Variants in CADPS observed in about 807,000 individuals in gnomAD.
CADPS encodes the protein calcium-dependent secretion activator 1.
A neutral mutation model predicts 167.3 loss-of-function variants in CADPS; 57 were observed. The observed-to-expected ratio is 0.34, with a 90% CI of 0.28 to 0.42. CADPS has a LOEUF of 0.42. Among genes scored for constraint, CADPS ranks in the 20% least tolerant of loss-of-function variants. CADPS has a pLI of 1.00. For missense variants in CADPS, 1,414 were observed against 1,738.1 expected (o/e 0.81, Z 3.32); for synonymous variants, 676 against 635.3 (o/e 1.06, Z -0.96).
chr3:62,531,191 C>G (rs1213248942), intron 13 of CADPS, among the ~76,000 whole-genome samples: 1 of 149,814 alleles, frequency 6.7e-6, no homozygotes, highest in African/African-American at 2.5e-5. Context: ...ATGTAGAATA[C>G]AGTGTGACAA....
chr3:62,761,524 T>C (rs1046191835), intron 2 of CADPS, among the ~76,000 whole-genome samples: 1 of 152,072 alleles, frequency 6.6e-6, no homozygotes, highest in Non-Finnish European at 1.5e-5. Context: ...CTGCCACATA[T>C]GACACTCCCA....
Position 62,492,279 on chromosome 3 carries a change from G to A in CADPS, c.2884+11C>T. 2 of 1,612,714 alleles carry A rather than the reference G, an allele frequency of 1.2e-6. No individual in the cohort carries two copies. The highest frequency in any genetic ancestry group is 1.1e-5 in the South Asian group (1 of 90,986). ...ACTTAGGAAAGTCAAACAGTCAAAG[G>A]TAATACATACAGTCAGTACGGAGAA... On this transcript the variant is annotated intron_variant, in intron 20 of 29. Transcript: ENST00000383710.
chr3:62,715,820 G>A (rs945757858), intron 3 of CADPS, among the ~76,000 whole-genome samples: 2 of 130,062 alleles, frequency 1.5e-5, no homozygotes, highest in Non-Finnish European at 3.2e-5. Context: ...GCAGTGGCGC[G>A]ATCTCAGCTC....
At chr3:62,763,437 C>T (rs528929524) in intron 2 of CADPS, among the ~76,000 whole-genome samples, 1 of 152,328 alleles carries the variant, frequency 6.6e-6, no homozygotes, top group Non-Finnish European at 1.5e-5. Context: ...CTGGATCCAG[C>T]CATGGCTGAA....
At chr3:62,481,623 T>G (rs974648576) in intron 22 of CADPS, 100 bp downstream of exon 22, 6 of 1,077,760 alleles carry the variant, frequency 5.6e-6, no homozygotes, top group Admixed American at 2.9e-5. Flanking sequence ...TAATTATCCA[T>G]CTCCATCTCT....
At chr3:62,836,202 C>T (rs2075863603) in intron 1 of CADPS, among the ~76,000 whole-genome samples, 1 of 152,152 alleles carries the variant, frequency 6.6e-6, no homozygotes, top group Non-Finnish European at 1.5e-5. Flanking sequence ...CTAATATGAA[C>T]TTTGAAGAGA....
At chr3:62,854,758 C>G (rs969846002) in intron 1 of CADPS, among the ~76,000 whole-genome samples, 1 of 152,046 alleles carries the variant, frequency 6.6e-6, no homozygotes, top group African/African-American at 2.4e-5. Context: ...CCTGTTTGTA[C>G]TTGATAAATT....
At chr3:62,461,988 AT>A in intron 26 of CADPS, among the ~76,000 whole-genome samples, 1 of 152,344 alleles carries the variant, frequency 6.6e-6, no homozygotes, top group East Asian at 1.9e-4. Flanking sequence ...GAACCAGCAT[AT>A]TTGTTAACAC....
intron 27 of CADPS, among the ~76,000 whole-genome samples, chr3:62,442,846 T>C (rs2056581301): frequency 6.6e-6 from 1 of 152,118 alleles, no homozygotes; most frequent in Admixed American, 6.5e-5. Flanking sequence ...AATGATAATA[T>C]TAACCCCTCC....
intron 1 of CADPS, among the ~76,000 whole-genome samples, chr3:62,775,220 A>AT (rs60886776): frequency 2.1e-4 from 31 of 148,758 alleles, no homozygotes; most frequent in African/African-American, 6.7e-4. Flanking sequence ...GTATTTTTGT[A>AT]TTTTTTTTTT....
At chr3:62,790,969 T>A (rs2092883373) in intron 1 of CADPS, among the ~76,000 whole-genome samples, 1 of 150,912 alleles carries the variant, frequency 6.6e-6, no homozygotes, top group Non-Finnish European at 1.5e-5. Flanking sequence ...CTTTTTTTTT[T>A]ATCCTCAAGC....
chr3:62,640,046 G>A (rs1182537982), intron 6 of CADPS, among the ~76,000 whole-genome samples: 1 of 152,096 alleles, frequency 6.6e-6, no homozygotes, highest in Non-Finnish European at 1.5e-5. Flanking sequence ...TTGAATGTTT[G>A]ATCCACAGGC....
At chr3:62,546,497 A>T (rs184974578) in intron 11 of CADPS, among the ~76,000 whole-genome samples, 3 of 152,234 alleles carry the variant, frequency 2.0e-5, no homozygotes, top group East Asian at 1.9e-4. Context: ...GACGGTTTGA[A>T]TTTTACAAAT....
At chr3:62,638,660 A>G (rs1362175699) in intron 6 of CADPS, among the ~76,000 whole-genome samples, 1 of 152,146 alleles carries the variant, frequency 6.6e-6, no homozygotes, top group Non-Finnish European at 1.5e-5. Context: ...TAGATGGAGT[A>G]TCAACGTCTA....
At chr3:62,838,731 G>C (rs1223931768) in intron 1 of CADPS, among the ~76,000 whole-genome samples, 1 of 152,148 alleles carries the variant, frequency 6.6e-6, no homozygotes, top group African/African-American at 2.4e-5. Context: ...AAGTACCTGA[G>C]ATATAGTCAG....
At chr3:62,729,209 T>C (rs1453169944) in intron 3 of CADPS, among the ~76,000 whole-genome samples, 5 of 151,818 alleles carry the variant, frequency 3.3e-5, no homozygotes, top group African/African-American at 1.2e-4. Context: ...GCGGAGCCAT[T>C]GCTCTCTCTC....
At chr3:62,430,480 G>A (rs551275545) in intron 28 of CADPS, among the ~76,000 whole-genome samples, 1 of 152,152 alleles carries the variant, frequency 6.6e-6, no homozygotes, top group South Asian at 2.1e-4. Flanking sequence ...TGAAGACACT[G>A]GGAATTCGAG....
intron 3 of CADPS, among the ~76,000 whole-genome samples, chr3:62,709,217 G>T (rs1167115368): frequency 6.6e-6 from 1 of 151,912 alleles, no homozygotes; most frequent in African/African-American, 2.4e-5. Context: ...CTTTCCTCAG[G>T]GTCAAGCAGA....
At chr3:62,829,759 TG>T (rs1466059197) in intron 1 of CADPS, among the ~76,000 whole-genome samples, 10 of 152,266 alleles carry the variant, frequency 6.6e-5, no homozygotes, top group Admixed American at 6.5e-4. Context: ...TCAATGTTAA[TG>T]AATACTCATT....
Sources: gnomAD v4.1 joint callset for allele counts (sites outside exome capture counted in the v4.1 genomes callset) on GRCh38, gnomAD v4.1.1 for gene constraint, MANE v1.5 for transcripts, NCBI Gene and HGNC (gene_info 2026-07-23, HGNC 2026-07-21) for gene names.